NEBL: variants seen among roughly 807,000 people sequenced by gnomAD.
NEBL encodes the protein nebulette.
Under a neutral mutation model 140.2 loss-of-function variants are expected in NEBL, and 122 were observed. The ratio of observed to expected loss-of-function variants is 0.87; its 90% CI spans 0.75 to 1.01. The LOEUF (loss-of-function observed/expected upper bound fraction) is 1.01. Ranked by LOEUF, NEBL falls within the 50% of genes least tolerant of loss-of-function variation. The pLI is 0.00. For synonymous variants in NEBL, 436 were observed against 398.9 expected (o/e 1.09, Z -1.11); for missense variants, 1,365 against 1,231.3 (o/e 1.11, Z -1.62).
chr10:20,863,705 T>A (rs577489206), intron 7 of NEBL, among the ~76,000 whole-genome samples: 40 of 150,964 alleles, frequency 2.6e-4, no homozygotes, highest in Non-Finnish European at 5.0e-4. Context: ...TTTCCCATAA[T>A]AGTGGATCAA....
intron 3 of NEBL, among the ~76,000 whole-genome samples, chr10:21,185,434 C>T (rs1841449396): frequency 1.3e-5 from 2 of 151,536 alleles, no homozygotes; most frequent in African/African-American, 4.9e-5. Flanking sequence ...GAGAGGTCAC[C>T]ACCAAGCTAA....
intron 22 of NEBL, among the ~76,000 whole-genome samples, chr10:20,814,700 G>A (rs1450812276): frequency 6.6e-6 from 1 of 151,630 alleles, no homozygotes; most frequent in East Asian, 1.9e-4. Flanking sequence ...AGAACCCAAA[G>A]TTATTTTGTT....
At chr10:20,929,505 C>A (rs1834075939) in intron 4 of NEBL, among the ~76,000 whole-genome samples, 2 of 152,160 alleles carry the variant, frequency 1.3e-5, no homozygotes, top group African/African-American at 4.8e-5. Flanking sequence ...ATGCATATTT[C>A]ATCACAGATG....
chr10:20,977,308 T>C (rs1836844854), intron 3 of NEBL, among the ~76,000 whole-genome samples: 1 of 152,250 alleles, frequency 6.6e-6, no homozygotes, highest in Admixed American at 6.5e-5. Flanking sequence ...TGCTTTCTTC[T>C]AGTGGCAGGT....
At chr10:21,127,326 A>G (rs1838886005) in intron 2 of NEBL, among the ~76,000 whole-genome samples, 1 of 152,210 alleles carries the variant, frequency 6.6e-6, no homozygotes, top group Non-Finnish European at 1.5e-5. Context: ...CTAAATGCAG[A>G]AAGAATGATG....
rs190387943 is a variant in NEBL, at chr10:20,816,903, G to A, written c.2148+697C>T. Among the ~76,000 whole-genome samples the A allele has an allele frequency of 4.7e-3, 720 of 152,254 alleles. 2 individuals carry two copies. Among genetic ancestry groups the A allele is most frequent in the African/African-American group, 0.017 (699 of 41,550 alleles). ...AGACTTTGCCCAAAAATGGAGTCAT[G>A]ATTGTGGGAAGTGGAAAGTGGGGCT... On this transcript the variant is annotated intron_variant, in intron 21 of 27. Coordinates refer to ENST00000377122, the MANE Select transcript of NEBL (RefSeq NM_006393.3).
chr10:21,084,158 A>G (rs1836510286), intron 2 of NEBL, among the ~76,000 whole-genome samples: 1 of 152,252 alleles, frequency 6.6e-6, no homozygotes, highest in Non-Finnish European at 1.5e-5. Context: ...TCTGCAGTCC[A>G]GAGAGATGGG....
At chr10:21,128,622 A>G (rs1047123850) in intron 2 of NEBL, among the ~76,000 whole-genome samples, 2 of 152,216 alleles carry the variant, frequency 1.3e-5, no homozygotes, top group African/African-American at 4.8e-5. Flanking sequence ...GGGTGTCTAG[A>G]AAAGAAAGTT....
chr10:21,273,259 C>A (rs887984261), intron 1 of NEBL, among the ~76,000 whole-genome samples: 2 of 152,094 alleles, frequency 1.3e-5, no homozygotes, highest in Admixed American at 6.5e-5. Flanking sequence ...TGAGCACCAA[C>A]CTGTAAAATT....
At chr10:21,285,960 G>A (rs1037884286) in intron 1 of NEBL, among the ~76,000 whole-genome samples, 1 of 152,110 alleles carries the variant, frequency 6.6e-6, no homozygotes, top group Non-Finnish European at 1.5e-5. Flanking sequence ...TTCTCGCCCT[G>A]ACCCATTCCT....
chr10:21,098,511 G>T (rs1255856029), intron 2 of NEBL, among the ~76,000 whole-genome samples: 1 of 152,118 alleles, frequency 6.6e-6, no homozygotes, highest in Non-Finnish European at 1.5e-5. Flanking sequence ...GGGGTGACTT[G>T]TTCTACCTCC....
rs556366028 is a variant in NEBL at position 21,081,045 on chromosome 10, G to T, written c.165-60844C>A. 2.0e-5 allele frequency among the ~76,000 whole-genome samples: 3 copies of T among 152,200 alleles called. No homozygotes were observed. In the East Asian group the frequency reaches 5.8e-4, roughly 29 times the overall value. On this transcript the variant is annotated intron_variant, in intron 2 of 6. Coordinates refer to the NEBL transcript ENST00000417816. ...AATTTTTGTATTTTTAGTACAAACAGTATTTCACCATGTTGGCCAGGCTGG... is the reference window on the plus strand; with the variant it reads ...AATTTTTGTATTTTTAGTACAAACATTATTTCACCATGTTGGCCAGGCTGG...
intron 1 of NEBL, among the ~76,000 whole-genome samples, chr10:21,253,461 T>A (rs1012136112): frequency 6.6e-6 from 1 of 151,600 alleles, no homozygotes; most frequent in African/African-American, 2.4e-5. Flanking sequence ...CTTCGCATGC[T>A]GGGATAAACT....
intron 3 of NEBL, among the ~76,000 whole-genome samples, chr10:21,221,798 A>G (rs564485349): frequency 2.6e-4 from 40 of 152,154 alleles, no homozygotes; most frequent in Admixed American, 1.2e-3. Flanking sequence ...ATTTCTTTTC[A>G]CTTAAAAATA....
At chr10:20,932,783 C>A (rs1834259181) in intron 4 of NEBL, among the ~76,000 whole-genome samples, 1 of 152,136 alleles carries the variant, frequency 6.6e-6, no homozygotes, top group Non-Finnish European at 1.5e-5. Flanking sequence ...CTTTCCTAAT[C>A]AAGAAAACTT....
At chr10:21,141,633 C>CA (rs1175833767) in intron 2 of NEBL, among the ~76,000 whole-genome samples, 1 of 151,916 alleles carries the variant, frequency 6.6e-6, no homozygotes, top group Non-Finnish European at 1.5e-5. Context: ...CAGAGAAACA[C>CA]AAAAAAGATG....
intron 2 of NEBL, among the ~76,000 whole-genome samples, chr10:21,048,266 T>C (rs1834606163): frequency 6.6e-6 from 1 of 152,174 alleles, no homozygotes; most frequent in East Asian, 1.9e-4. Context: ...AATTTGTTTA[T>C]TGACTTCTGA....
intron 1 of NEBL, among the ~76,000 whole-genome samples, chr10:21,291,995 C>T (rs1481860649): frequency 2.1e-5 from 3 of 143,832 alleles, no homozygotes; most frequent in Middle Eastern, 3.5e-3. Context: ...AAGTTTAATG[C>T]CCAGACTTGG....
At chr10:21,084,903 TGGTGG>T (rs1296942098) in intron 2 of NEBL, among the ~76,000 whole-genome samples, 2 of 152,162 alleles carry the variant, frequency 1.3e-5, no homozygotes, top group Non-Finnish European at 1.5e-5. Context: ...TTAGGAAGCT[TGGTGG>T]GGAGTTTACG....
Sources: gnomAD v4.1 joint callset for allele counts (sites outside exome capture counted in the v4.1 genomes callset) on GRCh38, gnomAD v4.1.1 for gene constraint, MANE v1.5 for transcripts, NCBI Gene and HGNC (gene_info 2026-07-23, HGNC 2026-07-21) for gene names.